Variants in ROBO1 observed in about 807,000 individuals in gnomAD.
The protein encoded by ROBO1 is roundabout homolog 1.
A neutral mutation model predicts 195.9 loss-of-function variants in ROBO1; 149 were observed. The ratio of observed to expected loss-of-function variants is 0.76; its 90% CI spans 0.67 to 0.87. The LOEUF (loss-of-function observed/expected upper bound fraction) is 0.87. Among genes scored for constraint, ROBO1 ranks in the 40% least tolerant of loss-of-function variants. ROBO1 has a pLI of 0.00. For missense variants in ROBO1, 1,933 were observed against 2,068.3 expected, an observed-to-expected ratio of 0.93 and a Z score of 1.27; for synonymous variants, 816 against 733.2, an observed-to-expected ratio of 1.11 and a Z score of -1.82.
At position 79,659,753 on chromosome 3, in the gene ROBO1, G is replaced by A. The variant is rs889125775; in HGVS notation, c.-50-69792C>T. Among the ~76,000 whole-genome samples the A allele has an allele frequency of 2.9e-4, 44 of 152,206 alleles. 1 individual carries two copies. Among genetic ancestry groups the A allele is most frequent in the African/African-American group, 9.6e-4 (40 of 41,542 alleles). On this transcript the variant is annotated intron_variant, in intron 1 of 30. Transcript: ENST00000464233. ...TACTAAGCCACCATGTCGACAGTGA[G>A]TTGGCCAGTTGACATCATCTAGCCC...
intron 3 of ROBO1, among the ~76,000 whole-genome samples, chr3:78,949,497 T>C (rs930860153): frequency 3.3e-5 from 5 of 152,096 alleles, no homozygotes; most frequent in Admixed American, 2.6e-4. Context: ...TTACATCTTA[T>C]ACAAAAATTA....
intron 2 of ROBO1, among the ~76,000 whole-genome samples, chr3:79,237,315 T>C (rs1006637644): frequency 1.3e-5 from 2 of 151,996 alleles, no homozygotes; most frequent in Non-Finnish European, 2.9e-5. Context: ...ACTCCGTGTC[T>C]ACTAAAAATA....
intron 1 of ROBO1, among the ~76,000 whole-genome samples, chr3:79,633,180 G>A (rs1945393893): frequency 5.7e-5 from 4 of 69,836 alleles, no homozygotes; most frequent in East Asian, 3.7e-4. Flanking sequence ...ATATTTGCTG[G>A]GTTTTTTTTT....
chr3:79,069,392 T>C (rs1449213597), intron 3 of ROBO1, among the ~76,000 whole-genome samples: 2 of 152,040 alleles, frequency 1.3e-5, no homozygotes, highest in East Asian at 3.9e-4. Flanking sequence ...TATTTGTATT[T>C]ATTCACCTGG....
chr3:79,625,423 G>GAAAAAAAAAAAAAA lies in ROBO1; in HGVS notation c.-50-35476_-50-35463dup. On this transcript the variant is annotated intron_variant, in intron 1 of 30. Coordinates refer to ENST00000464233, the MANE Select transcript of ROBO1 (RefSeq NM_002941.4). ...AAGTAATCCAGTAGCTGTTTTTTTT[G>GAAAAAAAAAAAAAA]AAAAAAAAAAAAAAAAAAAAAGCAA... 7.2e-4 allele frequency among the ~76,000 whole-genome samples: 10 copies of GAAAAAAAAAAAAAA among 13,882 alleles called. 1 individual carries two copies. The highest frequency in any genetic ancestry group is 9.1e-4 in the African/African-American group (4 of 4,392). 9.1% of individuals were successfully genotyped at this position (13,882 alleles called of 152,430 possible).
At chr3:79,251,603 T>C (rs2082730692) in intron 2 of ROBO1, among the ~76,000 whole-genome samples, 1 of 152,032 alleles carries the variant, frequency 6.6e-6, no homozygotes, top group African/African-American at 2.4e-5. Flanking sequence ...ATACAAAAAT[T>C]AGCTGGGCAT....
chr3:78,668,554 A>G lies in ROBO1; in HGVS notation c.1560T>C (p.Thr520=). Residue 520 remains threonine (T), a synonymous_variant, in exon 12 of 31, where the codon ACT becomes ACC. Transcript: ENST00000464233. ...TTGATGCAATGCAGGTGTACCGACCAGTATCACCCAGCTGAGAAGGCAGAC... is the reference window on the plus strand; with the variant it reads ...TTGATGCAATGCAGGTGTACCGACCGGTATCACCCAGCTGAGAAGGCAGAC... ...LQIRYAKLGD[T]GRYTCIASTP... 6.2e-7 allele frequency: 1 copy of G among 1,613,662 alleles called. No individual in the cohort carries two copies.
intron 3 of ROBO1, among the ~76,000 whole-genome samples, chr3:79,118,168 C>T (rs1216614765): frequency 6.6e-6 from 1 of 151,462 alleles, no homozygotes; most frequent in African/African-American, 2.4e-5. Flanking sequence ...CAAAGCCAGT[C>T]GTCCGCAGTC....
chr3:79,059,515 T>A (rs895148736), intron 3 of ROBO1, among the ~76,000 whole-genome samples: 1 of 152,054 alleles, frequency 6.6e-6, no homozygotes, highest in East Asian at 1.9e-4. Flanking sequence ...AAGAGAGCGA[T>A]GTTGTGGGAA....
chr3:79,064,637 G>A (rs2078976051), intron 3 of ROBO1, among the ~76,000 whole-genome samples: 1 of 151,812 alleles, frequency 6.6e-6, no homozygotes, highest in Admixed American at 6.6e-5. Flanking sequence ...GTTGGGATGT[G>A]AGCCACCACA....
At chr3:79,235,551 A>C (rs1339614644) in intron 2 of ROBO1, among the ~76,000 whole-genome samples, 1 of 152,122 alleles carries the variant, frequency 6.6e-6, no homozygotes, top group East Asian at 1.9e-4. Context: ...ATGAATGGTC[A>C]ATGTTGGATC....
intron 9 of ROBO1, 32 bp downstream of exon 9, chr3:78,688,616 T>C (rs1270887148): frequency 8.5e-6 from 13 of 1,536,028 alleles, no homozygotes; most frequent in Non-Finnish European, 1.1e-5. Flanking sequence ...TCTTTGCTGA[T>C]TTAAAAAAAA....
chr3:79,564,805 TG>T (rs1943040432), intron 2 of ROBO1, among the ~76,000 whole-genome samples: 1 of 152,082 alleles, frequency 6.6e-6, no homozygotes, highest in Non-Finnish European at 1.5e-5. Context: ...CTTTAGAATT[TG>T]ATAATTAAAG....
chr3:79,286,069 T>A (rs968248943), intron 2 of ROBO1, among the ~76,000 whole-genome samples: 3 of 152,160 alleles, frequency 2.0e-5, no homozygotes, highest in Admixed American at 6.5e-5. Flanking sequence ...ATAAAGCCAA[T>A]GTCCCAAAAT....
chr3:79,671,262 G>C (rs952940972), intron 1 of ROBO1, among the ~76,000 whole-genome samples: 7 of 151,732 alleles, frequency 4.6e-5, no homozygotes, highest in Non-Finnish European at 1.0e-4. Flanking sequence ...ATATTACAAG[G>C]GAATCAAAGA....
At chr3:79,477,562 A>C (rs1478539974) in intron 2 of ROBO1, among the ~76,000 whole-genome samples, 1 of 152,184 alleles carries the variant, frequency 6.6e-6, no homozygotes, top group Non-Finnish European at 1.5e-5. Flanking sequence ...AAAAAACAAA[A>C]AACAAAAACA....
intron 2 of ROBO1, among the ~76,000 whole-genome samples, chr3:79,501,752 T>A (rs1196561432): frequency 1.3e-5 from 2 of 152,220 alleles, no homozygotes; most frequent in African/African-American, 4.8e-5. Context: ...AAGGCTTTTT[T>A]TAAAAAAACA....
chr3:78,660,834 GAAGC>G (rs1264592228), intron 16 of ROBO1, 192 bp downstream of exon 16: 1 of 496,780 alleles, frequency 2.0e-6, no homozygotes, highest in Admixed American at 3.5e-5. Context: ...GGCCACTATT[GAAGC>G]AAGTCAACTA....
chr3:78,832,449 G>A (rs1389782763), intron 4 of ROBO1, among the ~76,000 whole-genome samples: 2 of 152,058 alleles, frequency 1.3e-5, no homozygotes, highest in African/African-American at 2.4e-5. Flanking sequence ...CCTTTACTCA[G>A]AAGAGGGGTA....
Sources: allele counts gnomAD v4.1 joint callset (sites outside exome capture counted in the v4.1 genomes callset), GRCh38; gene constraint gnomAD v4.1.1; transcripts MANE v1.5; gene names NCBI Gene and HGNC (gene_info 2026-07-23, HGNC 2026-07-21).